Variants in NELL1 observed in about 807,000 individuals in gnomAD.
NELL1 encodes neural EGFL like 1.
A neutral mutation model predicts 107.4 loss-of-function variants in NELL1; 76 were observed. The ratio of observed to expected loss-of-function variants is 0.71; its 90% CI spans 0.59 to 0.86. NELL1 has a LOEUF of 0.86. NELL1 is among the 40% of genes least tolerant of loss of function. The probability of loss-of-function intolerance (pLI) is 0.00; values close to 1 mark genes in which losing one functional copy is unlikely to be tolerated. For missense variants in NELL1, 1,024 were observed against 1,005.5 expected (o/e 1.02, Z -0.25); for synonymous variants, 353 against 341.2 (o/e 1.03, Z -0.38).
intron 14 of NELL1, among the ~76,000 whole-genome samples, chr11:21,354,464 A>G (rs1850885621): frequency 6.6e-6 from 1 of 152,104 alleles, no homozygotes; most frequent in Non-Finnish European, 1.5e-5. Flanking sequence ...GTTCTGCTGA[A>G]TCCTGGGTGT....
intron 15 of NELL1, among the ~76,000 whole-genome samples, chr11:21,490,446 T>A (rs1204216338): frequency 2.9e-5 from 3 of 104,546 alleles, no homozygotes; most frequent in African/African-American, 3.9e-5. Context: ...AATTCTAAAA[T>A]GTGTATGGAA....
intron 12 of NELL1, among the ~76,000 whole-genome samples, chr11:21,108,911 A>G (rs1394405462): frequency 6.6e-6 from 1 of 152,170 alleles, no homozygotes; most frequent in Non-Finnish European, 1.5e-5. Flanking sequence ...CATACACATC[A>G]TGATGCATCT....
intron 15 of NELL1, among the ~76,000 whole-genome samples, chr11:21,531,923 C>T (rs1591012075): frequency 6.6e-6 from 1 of 152,096 alleles, no homozygotes; most frequent in Non-Finnish European, 1.5e-5. Flanking sequence ...GTGATGGTTG[C>T]TTTATATACT....
At chr11:21,011,887 G>A (rs1160195496) in intron 12 of NELL1, among the ~76,000 whole-genome samples, 1 of 152,118 alleles carries the variant, frequency 6.6e-6, no homozygotes, top group Non-Finnish European at 1.5e-5. Context: ...CCACAAATAG[G>A]CATAAAACCA....
intron 3 of NELL1, among the ~76,000 whole-genome samples, chr11:20,843,368 T>C (rs1201143890): frequency 1.3e-5 from 2 of 152,108 alleles, no homozygotes; most frequent in African/African-American, 4.8e-5. Context: ...TTTCTCTGAA[T>C]AGCTAGTATA....
At chr11:21,083,579 T>C (rs1854318248) in intron 12 of NELL1, among the ~76,000 whole-genome samples, 1 of 152,096 alleles carries the variant, frequency 6.6e-6, no homozygotes, top group Admixed American at 6.6e-5. Context: ...TTCACACAGA[T>C]CTTGAATGCT....
At chr11:20,943,041 G>T (rs1319615649) in intron 10 of NELL1, among the ~76,000 whole-genome samples, 1 of 146,984 alleles carries the variant, frequency 6.8e-6, no homozygotes, top group Non-Finnish European at 1.5e-5. Context: ...ACACACTTGG[G>T]TTCATCTTTT....
At chr11:21,154,380 CTA>C (rs978948936) in intron 13 of NELL1, among the ~76,000 whole-genome samples, 10 of 152,082 alleles carry the variant, frequency 6.6e-5, no homozygotes, top group Non-Finnish European at 1.5e-4. Flanking sequence ...CAGGGGAAAT[CTA>C]TATATGCAAC....
chr11:21,520,292 G>A (rs1295720269), intron 15 of NELL1, among the ~76,000 whole-genome samples: 1 of 152,076 alleles, frequency 6.6e-6, no homozygotes, highest in Non-Finnish European at 1.5e-5. Flanking sequence ...ATCTCAAGTA[G>A]TGCTGATTTT....
chr11:20,988,966 C>T (rs1851913035), intron 12 of NELL1, among the ~76,000 whole-genome samples: 1 of 152,088 alleles, frequency 6.6e-6, no homozygotes, highest in Admixed American at 6.6e-5. Context: ...TTGACTCCTC[C>T]ACTAGCTAAC....
At chr11:20,724,158 G>A (rs1238049647) in intron 2 of NELL1, among the ~76,000 whole-genome samples, 1 of 152,212 alleles carries the variant, frequency 6.6e-6, no homozygotes, top group Non-Finnish European at 1.5e-5. Context: ...TGATGGAAGG[G>A]GTTGCCTTGA....
intron 14 of NELL1, among the ~76,000 whole-genome samples, chr11:21,364,372 T>C (rs4923568): frequency 0.87 from 125,793 of 144,678 alleles, 54,544 homozygotes; most frequent in East Asian, 0.95. Flanking sequence ...GATCACACCA[T>C]GGCATTCCAG....
chr11:21,126,870 A>G (rs1290228248), intron 13 of NELL1, among the ~76,000 whole-genome samples: 1 of 152,230 alleles, frequency 6.6e-6, no homozygotes, highest in Non-Finnish European at 1.5e-5. Flanking sequence ...AACAGAGTTT[A>G]TAACTACCAA....
chr11:21,083,559 G>A (rs1048230708), intron 12 of NELL1, among the ~76,000 whole-genome samples: 1 of 152,098 alleles, frequency 6.6e-6, no homozygotes, highest in African/African-American at 2.4e-5. Context: ...CAGGGTGAGT[G>A]GAAGGACCAT....
At chr11:21,150,762 A>G (rs970075507) in intron 13 of NELL1, among the ~76,000 whole-genome samples, 3 of 152,106 alleles carry the variant, frequency 2.0e-5, no homozygotes, top group Non-Finnish European at 2.9e-5. Context: ...AGAATTAGGT[A>G]TTGTATTAGT....
intron 12 of NELL1, among the ~76,000 whole-genome samples, chr11:21,112,550 C>T (rs1444268877): frequency 6.6e-6 from 1 of 151,916 alleles, no homozygotes; most frequent in Non-Finnish European, 1.5e-5. Context: ...TGACTTTATG[C>T]CAGATATTTA....
At chr11:20,740,353 T>G (rs1282408152) in intron 2 of NELL1, among the ~76,000 whole-genome samples, 3 of 152,200 alleles carry the variant, frequency 2.0e-5, no homozygotes, top group Non-Finnish European at 4.4e-5. Flanking sequence ...CTGCCATCTC[T>G]GGGAGCAGGA....
intron 15 of NELL1, among the ~76,000 whole-genome samples, chr11:21,452,192 A>ATTTGTC (rs55888111): frequency 0.87 from 131,340 of 151,620 alleles, 56,956 homozygotes; most frequent in East Asian, 0.98. Flanking sequence ...ATAAAATCTC[A>ATTTGTC]CCTCACAATA....
At chr11:21,372,823 G>C (rs1590877647) in intron 15 of NELL1, among the ~76,000 whole-genome samples, 1 of 152,044 alleles carries the variant, frequency 6.6e-6, no homozygotes, top group Non-Finnish European at 1.5e-5. Flanking sequence ...CCTGTGATCA[G>C]TAGCAGACCA....
Sources: gnomAD v4.1 joint callset for allele counts (sites outside exome capture counted in the v4.1 genomes callset) on GRCh38, gnomAD v4.1.1 for gene constraint, MANE v1.5 for transcripts, NCBI Gene and HGNC (gene_info 2026-07-23, HGNC 2026-07-21) for gene names.